Variants in SUGCT observed in about 807,000 individuals in gnomAD.
The protein encoded by SUGCT is succinyl-CoA:glutarate-CoA transferase.
In SUGCT, 41 loss-of-function variants were observed where a neutral mutation model predicts 55.0. That is an observed-to-expected ratio of 0.74 (90% CI 0.58 to 0.97). The LOEUF is 0.97. Ranked by LOEUF, SUGCT falls within the 50% of genes least tolerant of loss-of-function variation. SUGCT has a pLI of 0.00. For synonymous variants in SUGCT, 187 were observed against 200.4 expected (o/e 0.93, Z 0.56); for missense variants, 568 against 547.8 (o/e 1.04, Z -0.37).
At chr7:40,976,848 T>A in the SUGCT span, among the ~76,000 whole-genome samples, 1 of 152,238 alleles carries the variant, frequency 6.6e-6, no homozygotes, top group Non-Finnish European at 1.5e-5. Flanking sequence ...TCTAACAGGC[T>A]GTTCAATGAG....
the SUGCT span, among the ~76,000 whole-genome samples, chr7:40,912,835 C>T: frequency 2.0e-5 from 3 of 147,476 alleles, no homozygotes; most frequent in Non-Finnish European, 4.5e-5. Flanking sequence ...ATTTAGTTTT[C>T]ACAATAGAAT....
intron 8 of SUGCT, among the ~76,000 whole-genome samples, chr7:40,302,155 G>A (rs1484376702): frequency 6.6e-6 from 1 of 152,088 alleles, no homozygotes; most frequent in Non-Finnish European, 1.5e-5. Context: ...CTTTGCATTA[G>A]ACTGTACACT....
At chr7:40,919,312 C>T in the SUGCT span, among the ~76,000 whole-genome samples, 2 of 152,226 alleles carry the variant, frequency 1.3e-5, no homozygotes, top group African/African-American at 4.8e-5. Flanking sequence ...AAGTAAGCTT[C>T]CTCCTGGATT....
At chr7:40,905,723 T>G in the SUGCT span, among the ~76,000 whole-genome samples, 2 of 151,962 alleles carry the variant, frequency 1.3e-5, no homozygotes, top group Admixed American at 6.6e-5. Context: ...TTTCTTTTTT[T>G]TTTTTCTTTA....
chr7:40,229,743 G>A (rs940088109), intron 6 of SUGCT, among the ~76,000 whole-genome samples: 2 of 149,526 alleles, frequency 1.3e-5, no homozygotes, highest in Non-Finnish European at 3.0e-5. Flanking sequence ...GAACCTGGGA[G>A]TTGGAAGCTG....
At chr7:40,654,021 A>T (rs1372821071) in intron 12 of SUGCT, among the ~76,000 whole-genome samples, 1 of 152,168 alleles carries the variant, frequency 6.6e-6, no homozygotes. Context: ...TACCAAAAGG[A>T]TATTTTGCAT....
At chr7:40,172,900 C>T (rs1344363450) in intron 1 of SUGCT, among the ~76,000 whole-genome samples, 1 of 152,176 alleles carries the variant, frequency 6.6e-6, no homozygotes, top group African/African-American at 2.4e-5. Context: ...CAACAGGTGC[C>T]TGGTATTTCC....
chr7:40,249,339 A>ATATAGC (rs1392120921), intron 7 of SUGCT, among the ~76,000 whole-genome samples: 1 of 131,968 alleles, frequency 7.6e-6, no homozygotes, highest in African/African-American at 2.9e-5. Flanking sequence ...ATATATATAT[A>ATATAGC]TATATATAAT....
chr7:40,519,959 A>G (rs1309300828), intron 12 of SUGCT, among the ~76,000 whole-genome samples: 1 of 152,122 alleles, frequency 6.6e-6, no homozygotes, highest in African/African-American at 2.4e-5. Flanking sequence ...TGAGTAAATG[A>G]TAGAGTTACC....
chr7:40,935,541 T>G, the SUGCT span, among the ~76,000 whole-genome samples: 130 of 152,336 alleles, frequency 8.5e-4, no homozygotes, highest in African/African-American at 3.1e-3. Context: ...TTACTTAGCA[T>G]AATGCTTTCA....
chr7:40,624,368 G>T (rs754686460), intron 12 of SUGCT, among the ~76,000 whole-genome samples: 4 of 152,142 alleles, frequency 2.6e-5, no homozygotes, highest in Non-Finnish European at 5.9e-5. Flanking sequence ...AACAGTAATA[G>T]TTAACACTTA....
intron 9 of SUGCT, among the ~76,000 whole-genome samples, chr7:40,395,439 A>T (rs907887054): frequency 7.0e-6 from 1 of 143,246 alleles, no homozygotes; most frequent in South Asian, 2.4e-4. Context: ...CAGTGAGCCG[A>T]GATCCTGCCA....
At position 40,454,626 on chromosome 7, in the gene SUGCT, G is replaced by A. The variant is rs953910520; in HGVS notation, c.889-4475G>A. Among the ~76,000 whole-genome samples, 3 of 148,696 alleles carry A rather than the reference G, an allele frequency of 2.0e-5. No homozygotes were observed. The Admixed American group carries it at 2.0e-4, about 10-fold the overall frequency. ...AAAAACACCCAGAGGGGGAAAAAAT[G>A]TATTATCCATGGGGAAACAGTGATT... is the stretch of plus-strand genomic sequence containing the variant. On this transcript the variant is annotated intron_variant, in intron 10 of 13. Transcript: ENST00000335693.
At chr7:40,859,101 G>T (rs185234593) in intron 13 of SUGCT, among the ~76,000 whole-genome samples, 3 of 152,238 alleles carry the variant, frequency 2.0e-5, no homozygotes, top group African/African-American at 7.2e-5. Flanking sequence ...ATTGAGATAG[G>T]AATATCCTGT....
At chr7:40,429,461 G>A (rs1158437058) in intron 9 of SUGCT, among the ~76,000 whole-genome samples, 1 of 152,172 alleles carries the variant, frequency 6.6e-6, no homozygotes, top group Non-Finnish European at 1.5e-5. Context: ...AAGGAAGCCA[G>A]TTCAAGTCCC....
At chr7:40,702,072 G>A (rs1360462483) in intron 12 of SUGCT, among the ~76,000 whole-genome samples, 1 of 152,208 alleles carries the variant, frequency 6.6e-6, no homozygotes, top group Non-Finnish European at 1.5e-5. Context: ...AGCCTTTTCT[G>A]TAAGCCCCGC....
At chr7:40,953,184 C>G in the SUGCT span, among the ~76,000 whole-genome samples, 1 of 152,150 alleles carries the variant, frequency 6.6e-6, no homozygotes, top group Non-Finnish European at 1.5e-5. Context: ...CTTCTCTTCT[C>G]GCTTCATTTC....
chr7:40,158,167 A>G (rs1195492749), intron 1 of SUGCT, among the ~76,000 whole-genome samples: 2 of 151,788 alleles, frequency 1.3e-5, no homozygotes, highest in East Asian at 3.9e-4. Context: ...GTACCACTGC[A>G]CTCCAGCCTG....
At chr7:40,544,328 A>G (rs1293225905) in intron 12 of SUGCT, among the ~76,000 whole-genome samples, 1 of 152,104 alleles carries the variant, frequency 6.6e-6, no homozygotes, top group Non-Finnish European at 1.5e-5. Flanking sequence ...TGCTGTGGAA[A>G]GCTCACTGTG....
Sources: gnomAD v4.1 joint callset for allele counts (sites outside exome capture counted in the v4.1 genomes callset) on GRCh38, gnomAD v4.1.1 for gene constraint, MANE v1.5 for transcripts, NCBI Gene and HGNC (gene_info 2026-07-23, HGNC 2026-07-21) for gene names.